The following GRIN1 variants were observed in gnomAD, a reference collection of about 807,000 sequenced individuals.
The protein encoded by GRIN1 is glutamate ionotropic receptor NMDA type subunit 1.
GRIN1 carries 38 observed loss-of-function variants against 103.0 expected under a neutral mutation model. The observed-to-expected ratio is 0.37, with a 90% CI of 0.28 to 0.48. The LOEUF (loss-of-function observed/expected upper bound fraction) is 0.48, where lower values mean the gene tolerates loss of function less well. Ranked by LOEUF, GRIN1 falls within the 20% of genes least tolerant of loss-of-function variation. The probability of loss-of-function intolerance (pLI) is 0.98; values close to 1 mark genes in which losing one functional copy is unlikely to be tolerated. For synonymous variants in GRIN1, 544 were observed against 532.7 expected, an observed-to-expected ratio of 1.02 and a Z score of -0.29; for missense variants, 577 against 1,288.9, an observed-to-expected ratio of 0.45 and a Z score of 8.46.
rs752058884 is a variant in GRIN1, at chr9:137,163,032, G to A, written c.2171+29G>A. ...AGGCGCGGGCGGCCACCCTGGCGGG[G>A]CGGGACAGGTGCGGGGAGGGGGAGG... On this transcript the variant is annotated intron_variant, in intron 15 of 19. Coordinates refer to ENST00000371561, the MANE Select transcript of GRIN1 (RefSeq NM_007327.4). The A allele has an allele frequency of 5.7e-6, 9 of 1,568,150 alleles. No homozygotes were observed. In the Admixed American group the frequency reaches 1.1e-4, roughly 20 times the overall value.
In GRIN1 at chr9:137,161,704, GAC is replaced by G. The variant is rs1412493529; in HGVS notation, c.1468-219_1468-218del. Among the ~76,000 whole-genome samples the G allele has an allele frequency of 0.054, 283 of 5,228 alleles. 4 individuals are homozygous for G. The highest frequency in any genetic ancestry group is 0.17 in the African/African-American group (252 of 1,446). 3.4% of individuals were successfully genotyped at this position (5,228 alleles called of 152,430 possible). ...GCAGGCGGGGGTCTGGAGTGGGCGG[GAC>G]GTGGAGTGGGCGGGGCCTGCTGGCT... On this transcript the variant is annotated intron_variant, in intron 10 of 19. Coordinates refer to ENST00000371561, the MANE Select transcript of GRIN1 (RefSeq NM_007327.4).
At chr9:137,141,623 CT>C (rs1027149677) in intron 1 of GRIN1, among the ~76,000 whole-genome samples, 2 of 152,198 alleles carry the variant, frequency 1.3e-5, no homozygotes, top group African/African-American at 4.8e-5. Context: ...GGCCCCACCC[CT>C]GGCCCATCAG....
At chr9:137,145,668 G>A (rs1588694517) in intron 2 of GRIN1, 58 bp from the exon 3 acceptor site, 2 of 1,458,952 alleles carry the variant, frequency 1.4e-6, no homozygotes, top group African/African-American at 2.8e-5. Context: ...TGGGAGGCGG[G>A]TGGGAGGGCG....
intron 4 of GRIN1, among the ~76,000 whole-genome samples, chr9:137,153,574 C>T (rs984305085): frequency 6.6e-6 from 1 of 151,984 alleles, no homozygotes; most frequent in Non-Finnish European, 1.5e-5. Context: ...TACACACGTG[C>T]ATCTACACAT....
intron 19 of GRIN1, 55 bp from the exon 20 acceptor site, chr9:137,167,356 G>A: frequency 7.3e-7 from 1 of 1,361,246 alleles, no homozygotes; most frequent in East Asian, 2.5e-5. Flanking sequence ...TGAGGGCTGG[G>A]GTCCCTGGCG....
In GRIN1 at chr9:137,161,943, A is replaced by G; in HGVS notation, c.1487A>G (p.Lys496Arg). The change falls in exon 11 of 20, where the codon AAG becomes AGG. Residue 496 changes from lysine (K) to arginine (R), a missense_variant. By Grantham distance (26) the Lys-to-Arg change is conservative. Around this residue, in one of 9 missense-constraint regions of GRIN1, gnomAD observed 96 missense variants for 145.0 expected, o/e 0.66. Coordinates refer to ENST00000371561, the MANE Select transcript of GRIN1 (RefSeq NM_007327.4). ...TCGCAGGTGAACAACAGCAACAAGA[A>G]GGAGTGGAATGGGATGATGGGCGAG... ...TQERVNNSNKKEWNGMMGELL... is the reference protein window; with the variant it reads ...TQERVNNSNKREWNGMMGELL... 1 of 1,565,000 alleles carries G rather than the reference A, an allele frequency of 6.4e-7. No individual in the cohort carries two copies.
chr9:137,140,234 T>C (rs902859155), intron 1 of GRIN1, among the ~76,000 whole-genome samples: 2 of 151,984 alleles, frequency 1.3e-5, no homozygotes, highest in African/African-American at 4.8e-5. Context: ...GGCAGGACGC[T>C]TTGTGGGGGT....
intron 4 of GRIN1, among the ~76,000 whole-genome samples, chr9:137,151,839 T>C (rs1832933204): frequency 6.6e-6 from 1 of 150,588 alleles, no homozygotes; most frequent in Non-Finnish European, 1.5e-5. Flanking sequence ...CTAATTTTTG[T>C]ATTTTTAGTA....
intron 12 of GRIN1, 25 bp from the exon 13 acceptor site, chr9:137,162,379 C>T (rs1333418610): frequency 6.4e-7 from 1 of 1,573,028 alleles, no homozygotes; most frequent in Non-Finnish European, 8.6e-7. Context: ...CGCCCTCTCT[C>T]CCGCCCGCCC....
At position 137,158,711 on chromosome 9, in the gene GRIN1, GC is replaced by G; in HGVS notation, c.1197+11del. The G allele has an allele frequency of 6.2e-7, 1 of 1,606,846 alleles. No homozygotes were observed. The highest frequency in any genetic ancestry group is 8.5e-7 in the Non-Finnish European group (1 of 1,174,572). ...GATGTCCACCAGACTGAAGGTGGGG[GC>G]CCCACAGACCTCCCTCAGTGTCCCC... On this transcript the variant is annotated splice_region_variant and intron_variant, in intron 8 of 19. Transcript: ENST00000371561.
In GRIN1 at chr9:137,163,798, T is replaced by TCCC; in HGVS notation, c.2484_2485insCCC (p.Ile828_Phe829insPro). On this transcript the variant is annotated inframe_insertion, in exon 18 of 20. Transcript: ENST00000371561. ...GTAGCTGGGGGCATCGTGGCCGGGA[T>TCCC]CTTCCTGATTTTCATCGAGATTGCC... 1 of 1,613,574 alleles carries TCCC rather than the reference T, an allele frequency of 6.2e-7. No individual in the cohort carries two copies. The highest frequency in any genetic ancestry group is 8.5e-7 in the Non-Finnish European group (1 of 1,179,950).
At chr9:137,164,078 G>C in intron 18 of GRIN1, 174 bp downstream of exon 18, 1 of 795,208 alleles carries the variant, frequency 1.3e-6, no homozygotes, top group Non-Finnish European at 2.1e-6. Context: ...GCACCGGTGG[G>C]GGGCTGCCTG....
rs1196404052 is a variant in GRIN1 at position 137,158,447 on chromosome 9, G to A, written c.1037G>A (p.Arg346Gln). ...GRVEFNEDGD[R>Q]KFANYSIMNL... ...GTGGAGTTCAATGAGGATGGGGACC[G>A]GAAGTTCGCCAACTACAGCATCATG... Residue 346 changes from arginine to glutamine, a missense_variant, in exon 7 of 20, where the codon CGG becomes CAG. Arg to Gln is a conservative substitution (Grantham distance 43). This residue lies in a region of GRIN1 where 308 missense variants were observed against 553.6 expected (regional missense o/e 0.56). Transcript: ENST00000371561. 6.2e-7 allele frequency: 1 copy of A among 1,613,588 alleles called. No individual in the cohort carries two copies.
At chr9:137,148,366 G>T (rs1832664551) in intron 3 of GRIN1, among the ~76,000 whole-genome samples, 1 of 152,190 alleles carries the variant, frequency 6.6e-6, no homozygotes, top group Non-Finnish European at 1.5e-5. Context: ...GGGCAGGCAG[G>T]AGAGGGCAGG....
rs950737703 is a variant in GRIN1 at position 137,146,030 on chromosome 9, C to T, written c.570+128C>T. The T allele has an allele frequency of 4.9e-5, 34 of 693,118 alleles. No individual in the cohort carries two copies. Among genetic ancestry groups the T allele is most frequent in the Non-Finnish European group, 8.1e-5 (33 of 406,168 alleles). The allele number at this position is 693,118 out of a possible 1,614,324, so 42.9% of individuals were successfully genotyped here. On this transcript the variant is annotated intron_variant, in intron 3 of 19. Transcript: ENST00000371561. The surrounding 1 kb of genome is among the most constrained non-coding windows in gnomAD (Gnocchi z 6.7). ...GCATGGTCAGCACCACCACGTCTGGCGAGCGCCCGCCCCAGCCTGTCCTCG... is the reference window on the plus strand; with the variant it reads ...GCATGGTCAGCACCACCACGTCTGGTGAGCGCCCGCCCCAGCCTGTCCTCG...
At chr9:137,153,553 T>C (rs181023533) in intron 4 of GRIN1, among the ~76,000 whole-genome samples, 76 of 152,236 alleles carry the variant, frequency 5.0e-4, no homozygotes, top group African/African-American at 1.8e-3. Flanking sequence ...ACATGCACCA[T>C]GCATACACCA....
Position 137,163,551 on chromosome 9 carries a change from A to C in GRIN1, c.2334-8A>C, listed in dbSNP as rs370581066. The C allele has an allele frequency of 1.9e-6, 3 of 1,596,996 alleles. No individual in the cohort carries two copies. Among genetic ancestry groups the C allele is most frequent in the East Asian group, 2.2e-5 (1 of 44,640 alleles). Reference sequence around the variant, plus strand: ...CCTCACTGCAGGCTCACTTGTTCCCACCGCCAGGTCCCACGAGAATGGCTT... The same window carrying C: ...CCTCACTGCAGGCTCACTTGTTCCCCCCGCCAGGTCCCACGAGAATGGCTT... On this transcript the variant is annotated splice_polypyrimidine_tract_variant and splice_region_variant and intron_variant, in intron 16 of 19. Coordinates refer to ENST00000371561, the MANE Select transcript of GRIN1 (RefSeq NM_007327.4).
In GRIN1 at chr9:137,163,226, G is replaced by A; in HGVS notation, c.2229G>A (p.Lys743=). ...SAVLEFEASQ[K]CDLVTTGELF... is the part of the protein sequence containing the mutation. Reference sequence around the variant, plus strand: ...TGCTGGAGTTCGAGGCCTCGCAGAAGTGCGACCTGGTGACGACTGGAGAGC... The same window carrying A: ...TGCTGGAGTTCGAGGCCTCGCAGAAATGCGACCTGGTGACGACTGGAGAGC... Residue 743 remains lysine (K), a synonymous_variant, in exon 16 of 20, where the codon AAG becomes AAA. Coordinates refer to ENST00000371561, the MANE Select transcript of GRIN1 (RefSeq NM_007327.4). 3 of 1,613,716 alleles carry A rather than the reference G, an allele frequency of 1.9e-6. No individual in the cohort carries two copies. Among genetic ancestry groups the A allele is most frequent in the East Asian group, 2.2e-5 (1 of 44,884 alleles).
intron 4 of GRIN1, among the ~76,000 whole-genome samples, chr9:137,155,307 G>A (rs1833152291): frequency 6.6e-6 from 1 of 152,218 alleles, no homozygotes; most frequent in African/African-American, 2.4e-5. Context: ...GGGTCTTGCT[G>A]GACAAGCTGT....
Sources: allele counts gnomAD v4.1 joint callset (sites outside exome capture counted in the v4.1 genomes callset), GRCh38; gene constraint gnomAD v4.1.1; regional missense constraint gnomAD v4.1.1; non-coding constraint Gnocchi (gnomAD v3.1); transcripts MANE v1.5; gene names NCBI Gene and HGNC (gene_info 2026-07-23, HGNC 2026-07-21).